The following TMEM106B variants were observed in gnomAD, a reference collection of about 807,000 sequenced individuals.
TMEM106B encodes the protein transmembrane protein 106B.
TMEM106B carries 15 observed loss-of-function variants against 31.1 expected under a neutral mutation model. The ratio of observed to expected loss-of-function variants is 0.48; its 90% CI spans 0.32 to 0.74. The LOEUF is 0.74. TMEM106B is among the 30% of genes least tolerant of loss of function. The pLI is 0.03. For missense variants in TMEM106B, 283 were observed against 327.3 expected (o/e 0.86, Z 1.04); for synonymous variants, 126 against 112.5 (o/e 1.12, Z -0.76).
intron 4 of TMEM106B, 147 bp from the exon 5 acceptor site, chr7:12,229,532 A>T: frequency 1.5e-6 from 1 of 655,474 alleles, no homozygotes; most frequent in Non-Finnish European, 2.5e-6. Flanking sequence ...AAAACCAAAT[A>T]ATTGGTTTAA....
intron 4 of TMEM106B, among the ~76,000 whole-genome samples, chr7:12,228,714 C>T (rs1156888937): frequency 6.6e-6 from 1 of 151,974 alleles, no homozygotes; most frequent in Non-Finnish European, 1.5e-5. Flanking sequence ...TAACACTTCA[C>T]ATATTTGCTA....
chr7:12,231,128 CT>C lies in TMEM106B; in HGVS notation c.686+19del. 3 of 1,585,998 alleles carry C rather than the reference CT, an allele frequency of 1.9e-6. No individual in the cohort carries two copies. The highest frequency in any genetic ancestry group is 1.7e-6 in the Non-Finnish European group (2 of 1,161,974). On this transcript the variant is annotated intron_variant, in intron 7 of 7. Transcript: ENST00000396668. ...TACTCATGATGCAGTAAGTACAAAT[CT>C]TTTTTGAAAGAGATTTTGCTTGTTA...
chr7:12,221,971 A>T (rs897093918), intron 3 of TMEM106B, among the ~76,000 whole-genome samples: 1 of 152,236 alleles, frequency 6.6e-6, no homozygotes, highest in Admixed American at 6.5e-5. Context: ...CTCAATTTGT[A>T]ATAAAATTAT....
At position 12,237,849 on chromosome 7, in the gene TMEM106B, A is replaced by ACACACACACACACG. The variant is rs1554311721; in HGVS notation, c.*5881_*5882insACACACGCACACAC. ...CACACACACACACACACACACACAC[A>ACACACACACACACG]CACACACTATTGCTAAAAAATGTTA... On this transcript the variant is annotated 3_prime_UTR_variant, in exon 8 of 8. Coordinates refer to ENST00000396668, the MANE Select transcript of TMEM106B (RefSeq NM_001134232.2). The ACACACACACACACG allele has an allele frequency of 6.6e-6, 1 of 150,840 alleles. No homozygotes were observed. The highest frequency in any genetic ancestry group is 2.4e-5 in the African/African-American group (1 of 40,864). 9.3% of individuals were successfully genotyped at this position (150,840 alleles called of 1,614,324 possible).
chr7:12,224,440 C>G, intron 4 of TMEM106B, 55 bp downstream of exon 4: 1 of 1,457,828 alleles, frequency 6.9e-7, no homozygotes. Flanking sequence ...TCCTATTAAG[C>G]AGCACCTTTG....
rs567871846 is a variant in TMEM106B, at chr7:12,239,973, A to G, written c.*7998A>G. On this transcript the variant is annotated 3_prime_UTR_variant, in exon 8 of 8. Transcript: ENST00000396668. ...TTGGACACAGGATTGAAAGAAACCA[A>G]TTCATCAAAACCACAATATCTGCAA... 6.6e-6 allele frequency: 1 copy of G among 152,308 alleles called. No individual in the cohort carries two copies. Among genetic ancestry groups the G allele is most frequent in the African/African-American group, 2.4e-5 (1 of 41,578 alleles). 9.4% of individuals were successfully genotyped at this position (152,308 alleles called of 1,614,324 possible). A position where few individuals can be genotyped will look rare whatever the true frequency, so the allele number is the denominator to read the frequency against.
chr7:12,230,277 A>C, intron 5 of TMEM106B, 112 bp from the exon 6 acceptor site: 1 of 810,628 alleles, frequency 1.2e-6, no homozygotes, highest in Admixed American at 2.2e-5. Flanking sequence ...ATCTTTGAGA[A>C]TCAAGCTTGT....
intron 5 of TMEM106B, 107 bp from the exon 6 acceptor site, chr7:12,230,282 G>A (rs1781993884): frequency 1.2e-6 from 1 of 828,758 alleles, no homozygotes; most frequent in African/African-American, 1.7e-5. Flanking sequence ...TGAGAATCAA[G>A]CTTGTAAAAG....
chr7:12,238,787 T>A lies in TMEM106B; in HGVS notation c.*6812T>A, dbSNP rs1379528847. ...TTTTTTTCCAAGCAGGTCTCAACAA[T>A]GGGCTTAAAATATTCAGTGAACCGT... On this transcript the variant is annotated 3_prime_UTR_variant, in exon 8 of 8. Transcript: ENST00000396668. 6.6e-6 allele frequency: 1 copy of A among 151,842 alleles called. No individual in the cohort carries two copies. The highest frequency in any genetic ancestry group is 2.4e-5 in the African/African-American group (1 of 41,426). The allele number at this position is 151,842 out of a possible 1,614,324, so 9.4% of individuals were successfully genotyped here.
chr7:12,225,801 T>C (rs1228220649), intron 4 of TMEM106B, among the ~76,000 whole-genome samples: 4 of 152,200 alleles, frequency 2.6e-5, no homozygotes, highest in Admixed American at 2.0e-4. Flanking sequence ...TCCCATTCTT[T>C]AGGTTGCCTG....
At chr7:12,229,504 T>A (rs1781968140) in intron 4 of TMEM106B, among the ~76,000 whole-genome samples, 175 bp from the exon 5 acceptor site, 1 of 152,200 alleles carries the variant, frequency 6.6e-6, no homozygotes, top group Non-Finnish European at 1.5e-5. Context: ...GCATATTACA[T>A]ACATAGTACT....
rs1163746147 is a variant in TMEM106B, at chr7:12,243,213, T to C, written c.*11238T>C. The C allele has an allele frequency of 6.6e-6, 1 of 152,108 alleles. No homozygotes were observed. The highest frequency in any genetic ancestry group is 6.6e-5 in the Admixed American group (1 of 15,266). The allele number at this position is 152,108 out of a possible 1,614,324, so 9.4% of individuals were successfully genotyped here. A position where few individuals can be genotyped will look rare whatever the true frequency, so the allele number is the denominator to read the frequency against. ...TATTAAAAAGTCAGTTCAGGCTTAATATATATGACTACTATAAGTCAACCT... is the reference window on the plus strand; with the variant it reads ...TATTAAAAAGTCAGTTCAGGCTTAACATATATGACTACTATAAGTCAACCT... On this transcript the variant is annotated 3_prime_UTR_variant, in exon 8 of 8. Transcript: ENST00000396668.
rs1289209915 is a variant in TMEM106B, at chr7:12,235,755, T to C, written c.*3780T>C. The C allele has an allele frequency of 1.3e-5, 2 of 151,794 alleles. No homozygotes were observed. The highest frequency in any genetic ancestry group is 4.8e-5 in the African/African-American group (2 of 41,430). 9.4% of individuals were successfully genotyped at this position (151,794 alleles called of 1,614,324 possible). ...TTTAAGAAAATAGTTTGTTAGGTAC[T>C]TTTTAAAAGATGTAAATTTTTAAAT... On this transcript the variant is annotated 3_prime_UTR_variant, in exon 8 of 8. Transcript: ENST00000396668.
intron 3 of TMEM106B, among the ~76,000 whole-genome samples, chr7:12,220,989 A>G (rs1159831656): frequency 6.6e-6 from 1 of 152,148 alleles, no homozygotes; most frequent in East Asian, 1.9e-4. Context: ...ATATACACAC[A>G]AAGAGACAAA....
Position 12,233,364 on chromosome 7 carries a change from G to T in TMEM106B, c.*1389G>T, listed in dbSNP as rs1330467008. On this transcript the variant is annotated 3_prime_UTR_variant, in exon 8 of 8. Coordinates refer to ENST00000396668, the MANE Select transcript of TMEM106B (RefSeq NM_001134232.2). The stretch of plus-strand genomic sequence containing the variant: ...GATTAATTTCGTTCTGTTTTCTCAT[G>T]ACAGAAATCAGGTTTCCCTTTCCCC... 2 of 150,512 alleles carry T rather than the reference G, an allele frequency of 1.3e-5. No individual in the cohort carries two copies. Among genetic ancestry groups the T allele is most frequent in the Non-Finnish European group, 3.0e-5 (2 of 67,478 alleles). 9.3% of individuals were successfully genotyped at this position (150,512 alleles called of 1,614,324 possible).
chr7:12,222,869 G>T (rs1256656250), intron 3 of TMEM106B, among the ~76,000 whole-genome samples: 1 of 152,192 alleles, frequency 6.6e-6, no homozygotes, highest in Admixed American at 6.5e-5. Flanking sequence ...TAAAATATCT[G>T]CAGGAGGCAC....
rs1212105199 is a variant in TMEM106B at position 12,232,071 on chromosome 7, C to T, written c.*96C>T. 3 of 1,239,134 alleles carry T rather than the reference C, an allele frequency of 2.4e-6. No homozygotes were observed. Among genetic ancestry groups the T allele is most frequent in the Non-Finnish European group, 2.2e-6 (2 of 905,966 alleles). The allele number at this position is 1,239,134 out of a possible 1,614,324, so 76.8% of individuals were successfully genotyped here. A position where few individuals can be genotyped will look rare whatever the true frequency, so the allele number is the denominator to read the frequency against. The stretch of plus-strand genomic sequence containing the variant: ...TCCTAATAGGAGACCTTAAATTGAA[C>T]AAACCTAAAGTTTACACTTCTAAGA... On this transcript the variant is annotated 3_prime_UTR_variant, in exon 8 of 8. Coordinates refer to ENST00000396668, the MANE Select transcript of TMEM106B (RefSeq NM_001134232.2).
intron 3 of TMEM106B, among the ~76,000 whole-genome samples, chr7:12,220,184 C>T (rs990407268): frequency 6.6e-6 from 1 of 152,040 alleles, no homozygotes; most frequent in Non-Finnish European, 1.5e-5. Context: ...CCTTTTATTA[C>T]AAAATGTATA....
intron 3 of TMEM106B, among the ~76,000 whole-genome samples, chr7:12,223,920 T>C (rs10950393): frequency 0.51 from 76,445 of 151,256 alleles, 20,296 homozygotes; most frequent in African/African-American, 0.66. Context: ...GGTTTTTCAC[T>C]GTGTTGGTCA....
Sources: allele counts gnomAD v4.1 joint callset (sites outside exome capture counted in the v4.1 genomes callset), GRCh38; gene constraint gnomAD v4.1.1; transcripts MANE v1.5; gene names NCBI Gene and HGNC (gene_info 2026-07-23, HGNC 2026-07-21).